GRID1: variants seen among roughly 807,000 people sequenced by gnomAD.
GRID1 encodes glutamate ionotropic receptor delta type subunit 1, also known as glutamate receptor ionotropic, delta-1.
GRID1 carries 28 observed loss-of-function variants against 98.0 expected under a neutral mutation model. The ratio of observed to expected loss-of-function variants is 0.29; its 90% confidence interval spans 0.21 to 0.39. The LOEUF (loss-of-function observed/expected upper bound fraction) is 0.39, where lower values mean the gene tolerates loss of function less well. Among genes scored for constraint, GRID1 ranks in the 10% least tolerant of loss-of-function variants. GRID1 has a pLI of 1.00. For synonymous variants in GRID1, 553 were observed against 538.5 expected (o/e 1.03, Z -0.37); for missense variants, 1,111 against 1,340.5 (o/e 0.83, Z 2.67).
At chr10:86,231,673 G>A (rs563937367) in intron 2 of GRID1, among the ~76,000 whole-genome samples, 1 of 152,208 alleles carries the variant, frequency 6.6e-6, no homozygotes, top group East Asian at 1.9e-4. Flanking sequence ...GTCTCCAAAG[G>A]GTATTTGCTA....
At chr10:86,262,970 G>A (rs1847042075) in intron 2 of GRID1, among the ~76,000 whole-genome samples, 2 of 151,746 alleles carry the variant, frequency 1.3e-5, no homozygotes, top group South Asian at 2.1e-4. Context: ...GCGTTTGTGG[G>A]AAACCAGGGC....
intron 12 of GRID1, among the ~76,000 whole-genome samples, chr10:85,678,238 C>T (rs7076174): frequency 2.0e-5 from 3 of 151,924 alleles, no homozygotes; most frequent in South Asian, 4.2e-4. Context: ...CCTTCCTGCT[C>T]GACAAGGTGC....
intron 13 of GRID1, among the ~76,000 whole-genome samples, chr10:85,635,951 G>C (rs1158207483): frequency 6.6e-6 from 1 of 152,242 alleles, no homozygotes; most frequent in East Asian, 1.9e-4. Flanking sequence ...GGAGTGAGAA[G>C]AGTTCAATAC....
At chr10:86,107,581 C>T (rs548849877) in intron 4 of GRID1, among the ~76,000 whole-genome samples, 14 of 152,300 alleles carry the variant, frequency 9.2e-5, no homozygotes, top group African/African-American at 2.9e-4. Flanking sequence ...TGAAGACAGG[C>T]ATTTTTGTTT....
chr10:86,189,203 T>G (rs1310391216), intron 3 of GRID1, among the ~76,000 whole-genome samples: 1 of 152,178 alleles, frequency 6.6e-6, no homozygotes, highest in Non-Finnish European at 1.5e-5. Flanking sequence ...AGACTCACTG[T>G]CATTCCTTTC....
In GRID1 at chr10:85,619,983, G is replaced by A. The variant is rs543588600; in HGVS notation, c.2244C>T (p.Tyr748=). The A allele has an allele frequency of 2.4e-5, 38 of 1,613,874 alleles. No homozygotes were observed. In the East Asian group the frequency reaches 2.9e-4, roughly 12 times the overall value. ...AGCAGTCGTCATCCGTCAGGGCTGC[G>A]TATTCCACCACGGCCACATCCCACA... ...AFLWDVAVVE[Y]AALTDDDCSV... Residue 748 remains tyrosine, a synonymous_variant, in exon 14 of 16, where the codon TAC becomes TAT. Transcript: ENST00000327946.
chr10:85,901,188 G>A (rs1425186456), intron 5 of GRID1, among the ~76,000 whole-genome samples: 2 of 151,852 alleles, frequency 1.3e-5, no homozygotes, highest in Non-Finnish European at 2.9e-5. Flanking sequence ...TTACAAAGAA[G>A]AGCTATCTTT....
At chr10:86,201,628 A>C (rs1036232532) in intron 3 of GRID1, among the ~76,000 whole-genome samples, 5 of 151,610 alleles carry the variant, frequency 3.3e-5, no homozygotes, top group Non-Finnish European at 5.9e-5. Context: ...TATACAACAA[A>C]CTCCCATGAC....
At chr10:85,642,279 G>C (rs1564686584) in intron 13 of GRID1, among the ~76,000 whole-genome samples, 1 of 152,212 alleles carries the variant, frequency 6.6e-6, no homozygotes, top group Non-Finnish European at 1.5e-5. Context: ...CCAGGAGTCA[G>C]AGTTTGCCAA....
At chr10:85,702,809 G>C (rs1234052509) in intron 12 of GRID1, among the ~76,000 whole-genome samples, 2 of 151,290 alleles carry the variant, frequency 1.3e-5, no homozygotes, top group Non-Finnish European at 2.9e-5. Context: ...GAAAAGGAAG[G>C]GGAGGAAAAG....
intron 4 of GRID1, among the ~76,000 whole-genome samples, chr10:86,004,182 G>A (rs1842832961): frequency 6.6e-6 from 1 of 152,212 alleles, no homozygotes; most frequent in Non-Finnish European, 1.5e-5. Context: ...CAGGCCACCT[G>A]ACCCCACATC....
At chr10:86,191,713 G>A (rs964521155) in intron 3 of GRID1, among the ~76,000 whole-genome samples, 1 of 152,156 alleles carries the variant, frequency 6.6e-6, no homozygotes, top group Non-Finnish European at 1.5e-5. Context: ...GACAGTCATG[G>A]CTCCAGGACC....
chr10:85,779,360 T>A (rs1395020824), intron 8 of GRID1, among the ~76,000 whole-genome samples: 1 of 152,168 alleles, frequency 6.6e-6, no homozygotes, highest in Non-Finnish European at 1.5e-5. Flanking sequence ...TCTAACTTGA[T>A]GGGAGTCTTC....
intron 12 of GRID1, among the ~76,000 whole-genome samples, chr10:85,692,072 C>G (rs937923630): frequency 6.6e-5 from 10 of 152,154 alleles, no homozygotes; most frequent in African/African-American, 2.4e-4. Flanking sequence ...TCCATTTATG[C>G]AGCTTTCTCT....
intron 5 of GRID1, among the ~76,000 whole-genome samples, chr10:85,875,484 A>G (rs974495759): frequency 2.0e-5 from 3 of 152,016 alleles, no homozygotes; most frequent in Non-Finnish European, 4.4e-5. Flanking sequence ...ATTTATATTC[A>G]TTATGATTAT....
chr10:86,249,124 C>T (rs1441100530), intron 2 of GRID1, among the ~76,000 whole-genome samples: 1 of 152,324 alleles, frequency 6.6e-6, no homozygotes, highest in Non-Finnish European at 1.5e-5. Context: ...TCCCAAATAC[C>T]TTCCCCTTCT....
At chr10:86,310,138 C>T (rs1847812853) in intron 2 of GRID1, among the ~76,000 whole-genome samples, 2 of 152,226 alleles carry the variant, frequency 1.3e-5, no homozygotes, top group Admixed American at 1.3e-4. Flanking sequence ...ACCTGGCTCT[C>T]CTGCTGGCTC....
chr10:86,229,216 A>G (rs1369440951), intron 2 of GRID1, among the ~76,000 whole-genome samples: 1 of 151,794 alleles, frequency 6.6e-6, no homozygotes, highest in Non-Finnish European at 1.5e-5. Flanking sequence ...AAGCCAGGCC[A>G]CCCCACTCTC....
At chr10:86,292,795 TG>T in intron 2 of GRID1, among the ~76,000 whole-genome samples, 1 of 151,770 alleles carries the variant, frequency 6.6e-6, no homozygotes, top group South Asian at 2.1e-4. Flanking sequence ...TGTATGCAAG[TG>T]TGGGTGTGAG....
Sources: gnomAD v4.1 joint callset for allele counts (sites outside exome capture counted in the v4.1 genomes callset) on GRCh38, gnomAD v4.1.1 for gene constraint, MANE v1.5 for transcripts, NCBI Gene and HGNC (gene_info 2026-07-23, HGNC 2026-07-21) for gene names.